SPEF2: variants seen among roughly 807,000 people sequenced by gnomAD.
The protein encoded by SPEF2 is sperm flagella and cilia-associated protein 2.
A neutral mutation model predicts 224.6 loss-of-function variants in SPEF2; 187 were observed. That is an observed-to-expected ratio of 0.83 (90% CI 0.74 to 0.94). The LOEUF (loss-of-function observed/expected upper bound fraction) is 0.94, where lower values mean the gene tolerates loss of function less well. Ranked by LOEUF, SPEF2 falls within the 40% of genes least tolerant of loss-of-function variation. The pLI is 0.00. For synonymous variants in SPEF2, 715 were observed against 707.3 expected (o/e 1.01, Z -0.17); for missense variants, 2,170 against 2,135.6 (o/e 1.02, Z -0.32).
intron 30 of SPEF2, among the ~76,000 whole-genome samples, chr5:35,784,419 C>T (rs960927858): frequency 9.2e-5 from 14 of 152,284 alleles, no homozygotes; most frequent in African/African-American, 3.4e-4. Flanking sequence ...TGAGCCACCG[C>T]GCCCGGGCGA....
At chr5:35,770,829 G>A (rs1302921122) in intron 26 of SPEF2, among the ~76,000 whole-genome samples, 1 of 152,142 alleles carries the variant, frequency 6.6e-6, no homozygotes, top group East Asian at 1.9e-4. Context: ...TCTCAAGCCA[G>A]GACACTTGTG....
At chr5:35,671,451 A>G in intron 10 of SPEF2, 1 of 979,676 alleles carries the variant, frequency 1.0e-6, no homozygotes, top group Non-Finnish European at 1.2e-6. Flanking sequence ...GTACGGTTGT[A>G]AAATATACTA....
chr5:35,748,122 A>C (rs1333853550), intron 23 of SPEF2, among the ~76,000 whole-genome samples: 2 of 152,142 alleles, frequency 1.3e-5, no homozygotes, highest in African/African-American at 4.8e-5. Context: ...GAAATTAAAA[A>C]ATTATTCGAA....
At chr5:35,764,989 C>T (rs995769152) in intron 26 of SPEF2, among the ~76,000 whole-genome samples, 3 of 152,142 alleles carry the variant, frequency 2.0e-5, no homozygotes, top group Non-Finnish European at 4.4e-5. Context: ...ATACTCATGG[C>T]ACCACTACCT....
intron 8 of SPEF2, among the ~76,000 whole-genome samples, chr5:35,664,149 G>T (rs1418993318): frequency 1.3e-5 from 2 of 152,072 alleles, no homozygotes; most frequent in Non-Finnish European, 2.9e-5. Context: ...CCATGGTCTT[G>T]CCCTAATGAC....
At chr5:35,769,250 G>T (rs529433751) in intron 26 of SPEF2, among the ~76,000 whole-genome samples, 8 of 152,046 alleles carry the variant, frequency 5.3e-5, no homozygotes, top group Non-Finnish European at 1.0e-4. Context: ...ACAGTGCTTT[G>T]CAGGAACCGA....
At chr5:35,642,320 C>T (rs1430391488) in intron 3 of SPEF2, among the ~76,000 whole-genome samples, 1 of 151,988 alleles carries the variant, frequency 6.6e-6, no homozygotes, top group African/African-American at 2.4e-5. Context: ...CCTGCTCTTC[C>T]TTCCCTCAAA....
intron 20 of SPEF2, among the ~76,000 whole-genome samples, chr5:35,713,092 A>C (rs1443800765): frequency 6.6e-6 from 1 of 152,168 alleles, no homozygotes; most frequent in Non-Finnish European, 1.5e-5. Context: ...TGATGCTTGC[A>C]GGGATAATTT....
chr5:35,694,919 T>C (rs980595270), intron 13 of SPEF2, among the ~76,000 whole-genome samples: 1 of 152,202 alleles, frequency 6.6e-6, no homozygotes, highest in Non-Finnish European at 1.5e-5. Flanking sequence ...TGTAGAACCA[T>C]TGAAGGAAAA....
chr5:35,624,686 G>A (rs1225676486), intron 1 of SPEF2, among the ~76,000 whole-genome samples: 1 of 152,018 alleles, frequency 6.6e-6, no homozygotes, highest in East Asian at 1.9e-4. Context: ...CACCAGGCTG[G>A]AGTGCAGTGG....
intron 18 of SPEF2, among the ~76,000 whole-genome samples, chr5:35,707,016 C>T (rs1464060390): frequency 6.6e-6 from 1 of 152,148 alleles, no homozygotes; most frequent in Non-Finnish European, 1.5e-5. Flanking sequence ...AAAGAGTTTG[C>T]ATTCTAATAT....
Position 35,747,405 on chromosome 5 carries a change from T to TA in SPEF2, c.3331-6217dup, listed in dbSNP as rs1748713602. On this transcript the variant is annotated intron_variant, in intron 23 of 36. Transcript: ENST00000356031. ...AAAAGATACAGAACTGCAGAATGGA[T>TA]AAGAACTCACCAACCAACTATCTGC... Among the ~76,000 whole-genome samples the TA allele has an allele frequency of 3.9e-5, 6 of 152,214 alleles. No individual in the cohort carries two copies. In the South Asian group the frequency reaches 1.2e-3, roughly 32 times the overall value.
chr5:35,644,559 G>C (rs191749018), intron 4 of SPEF2, 34 bp downstream of exon 4: 4 of 1,524,562 alleles, frequency 2.6e-6, no homozygotes, highest in Non-Finnish European at 3.6e-6. Flanking sequence ...AAATTCATTA[G>C]TGCATAGTAT....
intron 20 of SPEF2, among the ~76,000 whole-genome samples, chr5:35,726,042 A>C (rs563761818): frequency 5.8e-4 from 89 of 152,330 alleles, no homozygotes; most frequent in Admixed American, 4.6e-3. Flanking sequence ...TTAAAAAGTA[A>C]TGCAGCTTGT....
intron 21 of SPEF2, 129 bp downstream of exon 21, chr5:35,727,952 T>C: frequency 3.1e-6 from 3 of 965,092 alleles, no homozygotes; most frequent in Admixed American, 3.2e-5. Context: ...ATCTGAGATT[T>C]TTTTTAGAGA....
At chr5:35,655,121 C>T (rs560803194) in intron 7 of SPEF2, among the ~76,000 whole-genome samples, 3 of 152,206 alleles carry the variant, frequency 2.0e-5, no homozygotes, top group Non-Finnish European at 4.4e-5. Flanking sequence ...TGTTCATCCT[C>T]TCCTTTTGTT....
chr5:35,701,846 G>T (rs906456489), intron 16 of SPEF2, among the ~76,000 whole-genome samples: 2 of 152,094 alleles, frequency 1.3e-5, no homozygotes, highest in Non-Finnish European at 2.9e-5. Flanking sequence ...CAACATGGTG[G>T]CACATGTCTG....
At chr5:35,735,633 G>A (rs77617304) in intron 21 of SPEF2, among the ~76,000 whole-genome samples, 3,717 of 152,290 alleles carry the variant, frequency 0.024, 79 homozygotes, top group South Asian at 0.054. Context: ...AGGTCTCCAT[G>A]TGTAATTCCC....
rs576953304 is a variant in SPEF2, at chr5:35,725,825, G to A, written c.2915-1850G>A. Among the ~76,000 whole-genome samples, 17 of 152,076 alleles carry A rather than the reference G, an allele frequency of 1.1e-4. No homozygotes were observed. The South Asian group carries it at 1.9e-3, about 17-fold the overall frequency. ...ATTTATACTCATTGCAGTGCCATGG[G>A]TTTCTGTGTGATACTATCAGGTTCT... On this transcript the variant is annotated intron_variant, in intron 20 of 36. Transcript: ENST00000356031.
Sources: gnomAD v4.1 joint callset for allele counts (sites outside exome capture counted in the v4.1 genomes callset) on GRCh38, gnomAD v4.1.1 for gene constraint, MANE v1.5 for transcripts, NCBI Gene and HGNC (gene_info 2026-07-23, HGNC 2026-07-21) for gene names.